TTL: variants seen among roughly 807,000 people sequenced by gnomAD.
The protein encoded by TTL is tubulin--tyrosine ligase.
In TTL, 10 loss-of-function variants were observed where a neutral mutation model predicts 41.1. The ratio of observed to expected loss-of-function variants is 0.24; its 90% CI spans 0.15 to 0.41. The LOEUF is 0.41. Among genes scored for constraint, TTL ranks in the 10% least tolerant of loss-of-function variants. TTL has a pLI of 1.00. For missense variants in TTL, 367 were observed against 460.4 expected, an observed-to-expected ratio of 0.80 and a Z score of 1.86; for synonymous variants, 175 against 175.5, an observed-to-expected ratio of 1.00 and a Z score of 0.02.
chr2:112,514,112 G>A (rs1187805302), intron 5 of TTL, among the ~76,000 whole-genome samples: 1 of 151,902 alleles, frequency 6.6e-6, no homozygotes, highest in African/African-American at 2.4e-5. Flanking sequence ...GGCCAGGCGC[G>A]GCACCTCACA....
At chr2:112,517,156 C>CAAAAAAA (rs33990458) in intron 5 of TTL, among the ~76,000 whole-genome samples, 1 of 105,610 alleles carries the variant, frequency 9.5e-6, no homozygotes, top group Non-Finnish European at 2.0e-5. Flanking sequence ...GAGCTTTCAG[C>CAAAAAAA]AAAAAAAAAA....
chr2:112,495,857 C>A lies in TTL; in HGVS notation c.469+1482C>A, dbSNP rs1490824514. Among the ~76,000 whole-genome samples the A allele has an allele frequency of 1.1e-4, 17 of 149,540 alleles. 1 individual carries two copies. In the East Asian group the frequency reaches 2.0e-3, roughly 18 times the overall value. ...TCCTTCTCAAAAATTAAAAAAAAAA[C>A]CATTCCATTTTGAACTCACTTCTTG... On this transcript the variant is annotated intron_variant, in intron 3 of 6. Transcript: ENST00000233336.
chr2:112,509,810 G>A (rs1053732569), intron 5 of TTL, among the ~76,000 whole-genome samples: 2 of 152,192 alleles, frequency 1.3e-5, no homozygotes, highest in Non-Finnish European at 2.9e-5. Context: ...GCTGTAGACC[G>A]GAGCTGTTCC....
At position 112,482,500 on chromosome 2, in the gene TTL, G is replaced by A; in HGVS notation, c.156G>A (p.Leu52=). The A allele has an allele frequency of 6.2e-7, 1 of 1,602,814 alleles. No homozygotes were observed. Among genetic ancestry groups the A allele is most frequent in the Non-Finnish European group, 8.5e-7 (1 of 1,174,482 alleles). ...GGAATCGGCTGCCCTTCGGGAGACT[G>A]GGTGAGCCCCTCCCCGATTCCCGTC... ...GERNRLPFGR[L]GHEPGLVQLV... is the part of the protein sequence containing the mutation. Residue 52 remains leucine, a splice_region_variant and synonymous_variant, in exon 1 of 7, where the codon CTG becomes CTA. Coordinates refer to ENST00000233336, the MANE Select transcript of TTL (RefSeq NM_153712.5). The surrounding 1 kb of genome is among the most constrained non-coding windows in gnomAD (Gnocchi z 5.3).
intron 3 of TTL, among the ~76,000 whole-genome samples, chr2:112,499,914 AAAAACTTGTATGC>A (rs1312941769): frequency 1.3e-5 from 2 of 152,248 alleles, no homozygotes; most frequent in Non-Finnish European, 2.9e-5. Flanking sequence ...ATATGTTCAT[AAAAACTTGTATGC>A]AAATCTTATA....
At position 112,502,994 on chromosome 2, in the gene TTL, G is replaced by A; in HGVS notation, c.688G>A (p.Val230Ile). 1.9e-6 allele frequency: 3 copies of A among 1,614,026 alleles called. No individual in the cohort carries two copies. The highest frequency in any genetic ancestry group is 2.5e-6 in the Non-Finnish European group (3 of 1,180,006). ...TCGGACTGCTTCAGAACCATATCAT[G>A]TTGATAATTTCCAAGACAAAACCTG... The part of the protein sequence containing the change: ...VLRTASEPYH[V>I]DNFQDKTCHL... The change falls in exon 5 of 7, where the codon GTT becomes ATT. Residue 230 changes from valine (V) to isoleucine (I), a missense_variant. By Grantham distance (29) the Val-to-Ile change is conservative. Transcript: ENST00000233336.
rs377288300 is a variant in TTL at position 112,486,010 on chromosome 2, C to A, written c.236+15C>A. 2.9e-5 allele frequency: 46 copies of A among 1,612,080 alleles called. No homozygotes were observed. Among genetic ancestry groups the A allele is most frequent in the Admixed American group, 5.0e-5 (3 of 59,590 alleles). On this transcript the variant is annotated intron_variant, in intron 2 of 6. Coordinates refer to ENST00000233336, the MANE Select transcript of TTL (RefSeq NM_153712.5). ...TCTTTAGTGAAGTAAGTGTTAAGAC[C>A]GCTGTTTTCCATTTTTTACCTAAAT...
At chr2:112,496,155 T>C (rs1681517032) in intron 3 of TTL, among the ~76,000 whole-genome samples, 1 of 152,144 alleles carries the variant, frequency 6.6e-6, no homozygotes, top group Non-Finnish European at 1.5e-5. Context: ...GGGTTTGGGA[T>C]TGGAGTCAGA....
At chr2:112,526,368 G>A (rs1315217095) in intron 6 of TTL, among the ~76,000 whole-genome samples, 1 of 152,208 alleles carries the variant, frequency 6.6e-6, no homozygotes, top group African/African-American at 2.4e-5. Context: ...AATGGTACCA[G>A]CTCCTCTTTG....
chr2:112,537,109 C>T lies in TTL; in HGVS notation c.*8314C>T, dbSNP rs1470987654. ...TGTTTGTTTGTTTGTTTGGTGGAGTCTCTCTCTGTCACCCAGGCTGGAGTG... is the reference window on the plus strand; with the variant it reads ...TGTTTGTTTGTTTGTTTGGTGGAGTTTCTCTCTGTCACCCAGGCTGGAGTG... On this transcript the variant is annotated 3_prime_UTR_variant, in exon 7 of 7. Transcript: ENST00000233336. 6.5e-6 allele frequency: 1 copy of T among 152,728 alleles called. No individual in the cohort carries two copies. The highest frequency in any genetic ancestry group is 1.5e-5 in the Non-Finnish European group (1 of 68,448). The allele number at this position is 152,728 out of a possible 1,614,324, so 9.5% of individuals were successfully genotyped here. A position where few individuals can be genotyped will look rare whatever the true frequency, so the allele number is the denominator to read the frequency against.
At chr2:112,496,665 CTGTGTGTGTGTGTG>C (rs10635241) in intron 3 of TTL, among the ~76,000 whole-genome samples, 7,447 of 106,060 alleles carry the variant, frequency 0.07, 307 homozygotes, top group Admixed American at 0.13. Context: ...ATATATGTGT[CTGTGTGTGTGTGTG>C]TGTGTGTGTG....
chr2:112,487,674 C>T (rs1298708561), intron 2 of TTL, among the ~76,000 whole-genome samples: 1 of 152,180 alleles, frequency 6.6e-6, no homozygotes, highest in Non-Finnish European at 1.5e-5. Flanking sequence ...ATGGTGGTGA[C>T]AGTACCTGCC....
intron 2 of TTL, among the ~76,000 whole-genome samples, chr2:112,492,753 T>C (rs1469784156): frequency 6.6e-6 from 1 of 150,838 alleles, no homozygotes; most frequent in Non-Finnish European, 1.5e-5. Context: ...TTGCTGGGTG[T>C]GGTCACGGGC....
chr2:112,498,110 G>A (rs1574059274), intron 3 of TTL, among the ~76,000 whole-genome samples: 1 of 152,146 alleles, frequency 6.6e-6, no homozygotes, highest in East Asian at 1.9e-4. Flanking sequence ...GATCACCTGA[G>A]GTCAGGAGTT....
chr2:112,493,179 T>C (rs1040699853), intron 2 of TTL, among the ~76,000 whole-genome samples: 2 of 152,204 alleles, frequency 1.3e-5, no homozygotes, highest in African/African-American at 4.8e-5. Flanking sequence ...CTGGGTTTTG[T>C]AGGTGAATCT....
At chr2:112,502,640 A>G (rs2104459136) in intron 4 of TTL, among the ~76,000 whole-genome samples, 1 of 133,608 alleles carries the variant, frequency 7.5e-6, no homozygotes, top group Admixed American at 7.4e-5. Flanking sequence ...TCCATCTCAA[A>G]AAAAAAAAAA....
chr2:112,539,471 CTCTT>C lies in TTL; in HGVS notation c.*10681_*10684del, dbSNP rs1164776995. Reference sequence around the variant, plus strand: ...AAAAAGCATTTGGCAATACACAACACTCTTTCTTGGAAAAAACCTTTCAACAAAC... The same window carrying C: ...AAAAAGCATTTGGCAATACACAACACTCTTGGAAAAAACCTTTCAACAAAC... On this transcript the variant is annotated 3_prime_UTR_variant, in exon 7 of 7. Coordinates refer to ENST00000233336, the MANE Select transcript of TTL (RefSeq NM_153712.5). 5 of 152,176 alleles carry C rather than the reference CTCTT, an allele frequency of 3.3e-5. No homozygotes were observed. The highest frequency in any genetic ancestry group is 4.4e-5 in the Non-Finnish European group (3 of 68,024). The allele number at this position is 152,176 out of a possible 1,614,324, so 9.4% of individuals were successfully genotyped here.
chr2:112,529,149 C>T lies in TTL; in HGVS notation c.*354C>T, dbSNP rs908658184. 30 of 383,266 alleles carry T rather than the reference C, an allele frequency of 7.8e-5. No homozygotes were observed. The highest frequency in any genetic ancestry group is 3.8e-4 in the East Asian group (9 of 23,720). The allele number at this position is 383,266 out of a possible 1,614,324, so 23.7% of individuals were successfully genotyped here. ...AGCCCTAGTGCCTTAGCTCCATGCC[C>T]GGCTGCAGCCCCACTGCTCTGGACT... On this transcript the variant is annotated 3_prime_UTR_variant, in exon 7 of 7. Transcript: ENST00000233336.
chr2:112,535,410 A>G lies in TTL; in HGVS notation c.*6615A>G, dbSNP rs921110716. On this transcript the variant is annotated 3_prime_UTR_variant, in exon 7 of 7. Transcript: ENST00000233336. ...ACATATACTGGAAGAAATAGTGGCCAAAACCTTTCCCACTTTGAGGAAAAA... is the reference window on the plus strand; with the variant it reads ...ACATATACTGGAAGAAATAGTGGCCGAAACCTTTCCCACTTTGAGGAAAAA... The G allele has an allele frequency of 6.6e-5, 10 of 152,218 alleles. No individual in the cohort carries two copies. The highest frequency in any genetic ancestry group is 1.5e-5 in the Non-Finnish European group (1 of 68,042). 9.4% of individuals were successfully genotyped at this position (152,218 alleles called of 1,614,324 possible).
Sources: allele counts gnomAD v4.1 joint callset (sites outside exome capture counted in the v4.1 genomes callset), GRCh38; gene constraint gnomAD v4.1.1; non-coding constraint Gnocchi (gnomAD v3.1); transcripts MANE v1.5; gene names NCBI Gene and HGNC (gene_info 2026-07-23, HGNC 2026-07-21).